The following ADGRB1 variants were observed in gnomAD, a reference collection of about 807,000 sequenced individuals.
ADGRB1 encodes brain-specific angiogenesis inhibitor 1.
In ADGRB1, 36 loss-of-function variants were observed where a neutral mutation model predicts 175.7. The observed-to-expected ratio is 0.20, with a 90% CI of 0.16 to 0.27. The LOEUF (loss-of-function observed/expected upper bound fraction) is 0.27. Among genes scored for constraint, ADGRB1 ranks in the 10% least tolerant of loss-of-function variants. The probability of loss-of-function intolerance (pLI) is 1.00; values close to 1 mark genes in which losing one functional copy is unlikely to be tolerated. For missense variants in ADGRB1, 1,731 were observed against 2,255.3 expected, an observed-to-expected ratio of 0.77 and a Z score of 4.71; for synonymous variants, 1,054 against 979.4, an observed-to-expected ratio of 1.08 and a Z score of -1.42.
At chr8:142,487,886 G>A (rs919135269) in intron 13 of ADGRB1, among the ~76,000 whole-genome samples, 1 of 152,202 alleles carries the variant, frequency 6.6e-6, no homozygotes, top group Non-Finnish European at 1.5e-5. Context: ...CCTGAGGCAG[G>A]GCAGCCCCCA....
chr8:142,522,637 C>T lies in ADGRB1; in HGVS notation c.3176-4C>T. 1.3e-6 allele frequency: 2 copies of T among 1,555,938 alleles called. No homozygotes were observed. Among genetic ancestry groups the T allele is most frequent in the Non-Finnish European group, 1.7e-6 (2 of 1,150,926 alleles). ...CCAACACCCTCTCTCTGCTCCTTCT[C>T]CAGGGCTCCCTGCACTGGTTGTGGC... On this transcript the variant is annotated splice_region_variant and splice_polypyrimidine_tract_variant and intron_variant, in intron 21 of 30. Transcript: ENST00000517894.
At chr8:142,488,979 G>C in intron 14 of ADGRB1, 56 bp from the exon 15 acceptor site, 1 of 1,574,670 alleles carries the variant, frequency 6.4e-7, no homozygotes, top group African/African-American at 1.3e-5. Context: ...AGGCTGCCAA[G>C]TCCCACCCTG....
chr8:142,512,339 C>T (rs1843152267), intron 18 of ADGRB1, among the ~76,000 whole-genome samples: 1 of 152,194 alleles, frequency 6.6e-6, no homozygotes, highest in Admixed American at 6.5e-5. Context: ...CTCGGAGGCT[C>T]CCTGGAAGAG....
chr8:142,476,783 T>G, intron 4 of ADGRB1, 88 bp downstream of exon 4: 1 of 1,273,744 alleles, frequency 7.9e-7, no homozygotes, highest in Non-Finnish European at 1.1e-6. Flanking sequence ...GGTAGTAACT[T>G]GAATAACATG....
At chr8:142,456,668 C>T (rs1199225692) in intron 1 of ADGRB1, among the ~76,000 whole-genome samples, 2 of 152,258 alleles carry the variant, frequency 1.3e-5, no homozygotes, top group African/African-American at 2.4e-5. Context: ...GACACACCTA[C>T]TCTCTCCCTC....
chr8:142,499,446 GGGGTAC>G (rs1842381705), intron 17 of ADGRB1, among the ~76,000 whole-genome samples: 1 of 151,474 alleles, frequency 6.6e-6, no homozygotes, highest in Non-Finnish European at 1.5e-5. Flanking sequence ...CCGGAGACTT[GGGGTAC>G]GGCCACCCGC....
Position 142,532,509 on chromosome 8 carries a change from G to A in ADGRB1, c.3399-786G>A, listed in dbSNP as rs1347563884. Among the ~76,000 whole-genome samples, 5 of 152,292 alleles carry A rather than the reference G, an allele frequency of 3.3e-5. No individual in the cohort carries two copies. In the East Asian group the frequency reaches 9.7e-4, roughly 29 times the overall value. ...GCAGAGGCAGCAGGAAGGGTCTACA[G>A]GCAGGTGGCCGCTGGGGCTCAGGAG... On this transcript the variant is annotated intron_variant, in intron 24 of 30. Coordinates refer to ENST00000517894, the MANE Select transcript of ADGRB1 (RefSeq NM_001702.3).
chr8:142,542,779 A>G lies in ADGRB1; in HGVS notation c.4413+132A>G. On this transcript the variant is annotated intron_variant, in intron 28 of 30. Coordinates refer to ENST00000517894, the MANE Select transcript of ADGRB1 (RefSeq NM_001702.3). This position sits in a 1 kb window ranked among gnomAD's most constrained non-coding sequence, Gnocchi z 6.3. ...GCTCTGCCTCCTAGCTACACCCCCCACCCCTGGCCCTGCTGGGTGTGCTGT... is the reference window on the plus strand; with the variant it reads ...GCTCTGCCTCCTAGCTACACCCCCCGCCCCTGGCCCTGCTGGGTGTGCTGT... 6.2e-6 allele frequency: 5 copies of G among 805,124 alleles called. No individual in the cohort carries two copies. In the East Asian group the frequency reaches 1.6e-4, roughly 26 times the overall value. The allele number at this position is 805,124 out of a possible 1,614,324, so 49.9% of individuals were successfully genotyped here.
chr8:142,533,365 G>T lies in ADGRB1; in HGVS notation c.3469G>T (p.Val1157Phe). The change falls in exon 25 of 31, where the codon GTC (valine) becomes TTC (phenylalanine). Residue 1157 changes from valine (V) to phenylalanine (F), a missense_variant. Around this residue, in one of 8 missense-constraint regions of ADGRB1, gnomAD observed 301 missense variants for 488.4 expected, o/e 0.62. Transcript: ENST00000517894. ...GACCTGGATGTCGGCTGTGCTCGCC[G>T]TCACCGACCGCCGCTCCGCCCTCTT... Reference protein sequence around the residue: ...ALTWMSAVLAVTDRRSALFQI... With the variant: ...ALTWMSAVLAFTDRRSALFQI... 3.1e-6 allele frequency: 5 copies of T among 1,604,668 alleles called. No homozygotes were observed. The highest frequency in any genetic ancestry group is 1.1e-5 in the South Asian group (1 of 89,578).
intron 17 of ADGRB1, among the ~76,000 whole-genome samples, chr8:142,502,144 G>C (rs1222874021): frequency 1.3e-5 from 2 of 151,842 alleles, no homozygotes; most frequent in Non-Finnish European, 2.9e-5. Flanking sequence ...ATGGAGTGGT[G>C]GTGGTGATGA....
chr8:142,534,986 G>A (rs999121863), intron 25 of ADGRB1, among the ~76,000 whole-genome samples: 1 of 152,212 alleles, frequency 6.6e-6, no homozygotes, highest in African/African-American at 2.4e-5. Flanking sequence ...TCTTCTTTGA[G>A]GCCACACTCC....
At chr8:142,463,322 G>A (rs1345056328) in intron 1 of ADGRB1, among the ~76,000 whole-genome samples, 3 of 152,202 alleles carry the variant, frequency 2.0e-5, no homozygotes, top group East Asian at 1.9e-4. Context: ...TCTTGGGGGG[G>A]CACCAAATCT....
At chr8:142,467,269 CTG>C (rs1840333574) in intron 2 of ADGRB1, among the ~76,000 whole-genome samples, 1 of 152,200 alleles carries the variant, frequency 6.6e-6, no homozygotes, top group South Asian at 2.1e-4. Context: ...GATGGTTGGG[CTG>C]TGAGTGCAGA....
rs545947735 is a variant in ADGRB1, at chr8:142,543,458, C to A, written c.4449+20C>A. On this transcript the variant is annotated intron_variant, in intron 29 of 30. Coordinates refer to ENST00000517894, the MANE Select transcript of ADGRB1 (RefSeq NM_001702.3). The surrounding 1 kb of genome is among the most constrained non-coding windows in gnomAD (Gnocchi z 4.4). ...TTTGAGGTGAGTTCTGGTGTCCCCCCCCACCAGACACTTAGGGCCAGATGT... is the reference window on the plus strand; with the variant it reads ...TTTGAGGTGAGTTCTGGTGTCCCCCACCACCAGACACTTAGGGCCAGATGT... The A allele has an allele frequency of 7.4e-6, 12 of 1,613,408 alleles. No individual in the cohort carries two copies. The highest frequency in any genetic ancestry group is 3.3e-5 in the Admixed American group (2 of 59,944).
intron 1 of ADGRB1, among the ~76,000 whole-genome samples, chr8:142,459,832 G>A (rs943093320): frequency 5.3e-5 from 8 of 152,154 alleles, no homozygotes; most frequent in African/African-American, 1.9e-4. Context: ...AGTCTCCTGT[G>A]ACCCTGTCCA....
intron 24 of ADGRB1, among the ~76,000 whole-genome samples, chr8:142,532,303 A>G (rs551444579): frequency 6.6e-6 from 1 of 152,270 alleles, no homozygotes; most frequent in South Asian, 2.1e-4. Flanking sequence ...CAGCCCCGGG[A>G]AGCAGGTTGG....
intron 17 of ADGRB1, 68 bp downstream of exon 17, chr8:142,490,883 G>T: frequency 1.3e-6 from 2 of 1,528,084 alleles, no homozygotes; most frequent in South Asian, 1.2e-5. Flanking sequence ...GGCCCAGTAG[G>T]GGAGGGGTGC....
intron 1 of ADGRB1, among the ~76,000 whole-genome samples, 179 bp from the exon 2 acceptor site, chr8:142,463,797 GCAGA>G (rs1446740959): frequency 2.6e-5 from 4 of 152,246 alleles, no homozygotes; most frequent in Non-Finnish European, 4.4e-5. Context: ...TTGGTGAGTG[GCAGA>G]CAGACAGGTG....
At chr8:142,530,293 G>C (rs1844547991) in intron 24 of ADGRB1, among the ~76,000 whole-genome samples, 1 of 152,126 alleles carries the variant, frequency 6.6e-6, no homozygotes, top group Non-Finnish European at 1.5e-5. Flanking sequence ...AAGGGAACAG[G>C]GAAGGAAGGG....
Sources: allele counts gnomAD v4.1 joint callset (sites outside exome capture counted in the v4.1 genomes callset), GRCh38; gene constraint gnomAD v4.1.1; regional missense constraint gnomAD v4.1.1; non-coding constraint Gnocchi (gnomAD v3.1); transcripts MANE v1.5; gene names NCBI Gene and HGNC (gene_info 2026-07-23, HGNC 2026-07-21).